The following IGSF9B variants were observed in gnomAD, a reference collection of about 807,000 sequenced individuals.
IGSF9B encodes the protein protein turtle homolog B.
A neutral mutation model predicts 143.7 loss-of-function variants in IGSF9B; 48 were observed. The ratio of observed to expected loss-of-function variants is 0.33; its 90% CI spans 0.26 to 0.42. The LOEUF is 0.42. IGSF9B is among the 20% of genes least tolerant of loss of function. The probability of loss-of-function intolerance (pLI) is 1.00; values close to 1 mark genes in which losing one functional copy is unlikely to be tolerated. For missense variants in IGSF9B, 1,706 were observed against 1,980.0 expected (o/e 0.86, Z 2.63); for synonymous variants, 903 against 833.1 (o/e 1.08, Z -1.44).
rs1310291097 is a variant in IGSF9B, at chr11:133,901,801, ACAC to A, written c.*7265_*7267del. Among the ~76,000 whole-genome samples the A allele has an allele frequency of 3.3e-5, 5 of 150,558 alleles. No homozygotes were observed. Among genetic ancestry groups the A allele is most frequent in the Non-Finnish European group, 7.4e-5 (5 of 67,426 alleles). On this transcript the variant is annotated 3_prime_UTR_variant, in exon 20 of 20. Coordinates refer to ENST00000533871, the MANE Select transcript of IGSF9B (RefSeq NM_001277285.4). ...TACAAATCTCTCTCACACACACCACACACAACAGACACACCACACCACACACAC... is the reference window on the plus strand; with the variant it reads ...TACAAATCTCTCTCACACACACCACAAACAGACACACCACACCACACACAC...
At chr11:133,919,118 CGG>C (rs59914981) in intron 18 of IGSF9B, 48 of 68,168 alleles carry the variant, frequency 7.0e-4, no homozygotes, top group Admixed American at 4.0e-3. Flanking sequence ...GCGAGGTATA[CGG>C]GGGGGGGGTG....
At chr11:133,936,225 G>T in intron 5 of IGSF9B, 31 bp from the exon 6 acceptor site, 1 of 1,592,920 alleles carries the variant, frequency 6.3e-7, no homozygotes, top group Non-Finnish European at 8.5e-7. Flanking sequence ...ACCCCACCTC[G>T]CCTGATCAGG....
Position 133,909,681 on chromosome 11 carries a change from C to A in IGSF9B, c.4106-404G>T, listed in dbSNP as rs1009019990. 2.0e-5 allele frequency among the ~76,000 whole-genome samples: 3 copies of A among 152,174 alleles called. No individual in the cohort carries two copies. Among genetic ancestry groups the A allele is most frequent in the Non-Finnish European group, 4.4e-5 (3 of 68,042 alleles). The stretch of plus-strand genomic sequence containing the variant: ...GCCCCAAGCAATGACCGACTTTATA[C>A]AAGATTTTAATCGCATGCAACGGTC... On this transcript the variant is annotated intron_variant, in intron 19 of 19. Coordinates refer to ENST00000533871, the MANE Select transcript of IGSF9B (RefSeq NM_001277285.4). This position sits in a 1 kb window ranked among gnomAD's most constrained non-coding sequence, Gnocchi z 4.2.
intron 1 of IGSF9B, among the ~76,000 whole-genome samples, chr11:133,949,197 G>C (rs993018579): frequency 1.1e-4 from 17 of 152,154 alleles, no homozygotes; most frequent in Non-Finnish European, 1.9e-4. Context: ...AAAATGAGAG[G>C]GAGCTTCCCC....
chr11:133,945,502 C>A lies in IGSF9B; in HGVS notation c.262+559G>T, dbSNP rs182132008. Among the ~76,000 whole-genome samples, 39 of 152,288 alleles carry A rather than the reference C, an allele frequency of 2.6e-4. No homozygotes were observed. The highest frequency in any genetic ancestry group is 5.4e-4 in the Non-Finnish European group (37 of 68,024). On this transcript the variant is annotated intron_variant, in intron 2 of 19. Transcript: ENST00000533871. The surrounding 1 kb of genome is among the most constrained non-coding windows in gnomAD (Gnocchi z 4.6). ...CACACACCCACGCCCTCCTCTCCCG[C>A]GGGCTGGGGGGCAGGCAGCGGCAGT...
intron 1 of IGSF9B, among the ~76,000 whole-genome samples, chr11:133,954,237 C>T (rs978408519): frequency 3.3e-5 from 5 of 152,194 alleles, no homozygotes; most frequent in Non-Finnish European, 7.3e-5. Context: ...CCCTCACTTC[C>T]CGGGCTGTGT....
Position 133,919,871 on chromosome 11 carries a change from G to A in IGSF9B, c.3854C>T (p.Pro1285Leu), listed in dbSNP as rs771110477. ...CCCAGCAGGGGCGGGGCCGGGTGGA[G>A]GGGAAGGGTAGCCGGTGGCCAGAGT... ...FTTLATGYPSPPPGPAPAGPG... is the reference protein window; with the variant it reads ...FTTLATGYPSLPPGPAPAGPG... Residue 1285 changes from proline (P) to leucine (L), a missense_variant, in exon 18 of 20, where the codon CCT (proline) becomes CTT (leucine). Pro to Leu is a moderately conservative substitution (Grantham distance 98). Around this residue, in one of 7 missense-constraint regions of IGSF9B, gnomAD observed 880 missense variants for 762.9 expected, o/e 1.15. Coordinates refer to ENST00000533871, the MANE Select transcript of IGSF9B (RefSeq NM_001277285.4). 11 of 1,583,960 alleles carry A rather than the reference G, an allele frequency of 6.9e-6. No homozygotes were observed. The highest frequency in any genetic ancestry group is 4.5e-5 in the East Asian group (2 of 44,288).
chr11:133,956,711 G>A lies in IGSF9B; in HGVS notation c.44C>T (p.Thr15Ile), dbSNP rs534731750. The change falls in exon 1 of 20, where the codon ACC becomes ATC. Residue 15 changes from threonine (T) to isoleucine (I), a missense_variant. By Grantham distance (89) the Thr-to-Ile change is moderately conservative. Around this residue, in one of 7 missense-constraint regions of IGSF9B, gnomAD observed 171 missense variants for 213.9 expected, o/e 0.80. Transcript: ENST00000533871. ...CTCACCTTCAGCCGCAAGCCCTCGG[G>A]TGCCGATCACACTTGCTATGAAAGT... The part of the protein sequence containing the change: ...VATFIASVIG[T>I]RGLAAEGAHG... 1.9e-6 allele frequency: 3 copies of A among 1,547,600 alleles called. No individual in the cohort carries two copies. The Admixed American group carries it at 5.8e-5, about 30-fold the overall frequency.
In IGSF9B at chr11:133,908,859, C is replaced by T. The variant is rs1591706111; in HGVS notation, c.*210G>A. ...CAGTCTCCAATCCACTTCCTGACCT[C>T]GACCCACAGGTGGAAGGTGTGCCCA... On this transcript the variant is annotated 3_prime_UTR_variant, in exon 20 of 20. Transcript: ENST00000533871. The T allele has an allele frequency of 5.4e-6, 3 of 556,396 alleles. No homozygotes were observed. The East Asian group carries it at 8.7e-5, about 16-fold the overall frequency. The allele number at this position is 556,396 out of a possible 1,614,324, so 34.5% of individuals were successfully genotyped here. A position where few individuals can be genotyped will look rare whatever the true frequency, so the allele number is the denominator to read the frequency against.
chr11:133,936,865 A>C (rs1443045163), intron 5 of IGSF9B, among the ~76,000 whole-genome samples: 1 of 152,190 alleles, frequency 6.6e-6, no homozygotes, highest in African/African-American at 2.4e-5. Flanking sequence ...CCCATCCTGC[A>C]CAGTTCCTGG....
chr11:133,910,862 G>A (rs11223617), intron 19 of IGSF9B, among the ~76,000 whole-genome samples: 31,387 of 152,032 alleles, frequency 0.21, 3,813 homozygotes, highest in East Asian at 0.52. Flanking sequence ...GGTTAACAAT[G>A]GGCTTAATTG....
At chr11:133,924,055 C>A (rs1163124529) in intron 15 of IGSF9B, among the ~76,000 whole-genome samples, 3 of 152,188 alleles carry the variant, frequency 2.0e-5, no homozygotes, top group African/African-American at 7.2e-5. Context: ...TGCAGTGTGC[C>A]CACACCAGCA....
rs1237351127 is a variant in IGSF9B, at chr11:133,909,847, T to C, written c.4106-570A>G. On this transcript the variant is annotated intron_variant, in intron 19 of 19. Transcript: ENST00000533871. This position sits in a 1 kb window ranked among gnomAD's most constrained non-coding sequence, Gnocchi z 4.2. Reference sequence around the variant, plus strand: ...GAGGAAGAGACAAACTGTCAAGACTTTAAAAACACAGAAATAAAATTTGCA... The same window carrying C: ...GAGGAAGAGACAAACTGTCAAGACTCTAAAAACACAGAAATAAAATTTGCA... Among the ~76,000 whole-genome samples the C allele has an allele frequency of 6.6e-6, 1 of 152,178 alleles. No homozygotes were observed. Among genetic ancestry groups the C allele is most frequent in the Non-Finnish European group, 1.5e-5 (1 of 68,030 alleles).
intron 15 of IGSF9B, among the ~76,000 whole-genome samples, chr11:133,923,997 T>C (rs1251202414): frequency 6.6e-6 from 1 of 152,110 alleles, no homozygotes; most frequent in Non-Finnish European, 1.5e-5. Context: ...ATGCCTAATG[T>C]ATAAAGCAGA....
rs954530761 is a variant in IGSF9B at position 133,926,843 on chromosome 11, C to CT, written c.1807+72dup. ...GTACCGGCACACAGGAGGCCGACTGCTATAGCTGCCTGGGCCACCGCCCCC... is the reference window on the plus strand; with the variant it reads ...GTACCGGCACACAGGAGGCCGACTGCTTATAGCTGCCTGGGCCACCGCCCCC... On this transcript the variant is annotated intron_variant, in intron 13 of 19. Coordinates refer to ENST00000533871, the MANE Select transcript of IGSF9B (RefSeq NM_001277285.4). The CT allele has an allele frequency of 5.2e-6, 7 of 1,335,420 alleles. No individual in the cohort carries two copies. The African/African-American group carries it at 7.2e-5, about 14-fold the overall frequency. 82.7% of individuals were successfully genotyped at this position (1,335,420 alleles called of 1,614,324 possible).
rs779029258 is a variant in IGSF9B at position 133,921,358 on chromosome 11, C to A, written c.2367G>T (p.Thr789=). 1.9e-6 allele frequency: 3 copies of A among 1,560,306 alleles called. No individual in the cohort carries two copies. The highest frequency in any genetic ancestry group is 1.2e-5 in the South Asian group (1 of 84,156). ...SGKVSPESIR[T]LRAPSESSDD... ...CGGAGGATTCTGACGGCGCTCGGAG[C>A]GTGCGGATGCTCTCGGGGCTCACCT... The change falls in exon 18 of 20, where the codon ACG becomes ACT. Residue 789 remains threonine (T), a synonymous_variant. Coordinates refer to ENST00000533871, the MANE Select transcript of IGSF9B (RefSeq NM_001277285.4).
chr11:133,938,504 C>G (rs1454140248), intron 3 of IGSF9B, among the ~76,000 whole-genome samples: 2 of 152,208 alleles, frequency 1.3e-5, no homozygotes, highest in African/African-American at 4.8e-5. Flanking sequence ...GGACAGCCCA[C>G]CCGAAGGCCA....
At position 133,901,950 on chromosome 11, in the gene IGSF9B, ACACACATGCACACCG is replaced by A. The variant is rs1206561281; in HGVS notation, c.*7104_*7118del. On this transcript the variant is annotated 3_prime_UTR_variant, in exon 20 of 20. Transcript: ENST00000533871. ...AAACCACACAACACACACACACATC[ACACACATGCACACCG>A]CATCACACACATGCACACCAGACAC... 2.4e-5 allele frequency among the ~76,000 whole-genome samples: 3 copies of A among 125,772 alleles called. No individual in the cohort carries two copies. Among genetic ancestry groups the A allele is most frequent in the South Asian group, 4.5e-4 (2 of 4,486 alleles). 82.5% of individuals were successfully genotyped at this position (125,772 alleles called of 152,430 possible).
At position 133,901,228 on chromosome 11, in the gene IGSF9B, T is replaced by G. The variant is rs1278691882; in HGVS notation, c.*7841A>C. ...TTACAAACTTTTCATATATACACAT[T>G]TCCATCAGAAAGACCCAAGCAACTC... is the stretch of plus-strand genomic sequence containing the variant. On this transcript the variant is annotated 3_prime_UTR_variant, in exon 20 of 20. Transcript: ENST00000533871. The G allele has an allele frequency of 6.6e-6, 1 of 152,188 alleles. No homozygotes were observed. Among genetic ancestry groups the G allele is most frequent in the Non-Finnish European group, 1.5e-5 (1 of 68,048 alleles). The allele number at this position is 152,188 out of a possible 1,614,324, so 9.4% of individuals were successfully genotyped here. A position where few individuals can be genotyped will look rare whatever the true frequency, so the allele number is the denominator to read the frequency against.
Sources: gnomAD v4.1 joint callset for allele counts (sites outside exome capture counted in the v4.1 genomes callset) on GRCh38, gnomAD v4.1.1 for gene constraint, gnomAD v4.1.1 regional missense constraint, Gnocchi (gnomAD v3.1) non-coding constraint, MANE v1.5 for transcripts, NCBI Gene and HGNC (gene_info 2026-07-23, HGNC 2026-07-21) for gene names.